Variants in SLC12A1 observed in about 807,000 individuals in gnomAD.
SLC12A1 encodes Na-K-2Cl cotransporter.
SLC12A1 carries 89 observed loss-of-function variants against 130.4 expected under a neutral mutation model. The observed-to-expected ratio is 0.68, with a 90% CI of 0.58 to 0.81. The LOEUF is 0.81. Among genes scored for constraint, SLC12A1 ranks in the 40% least tolerant of loss-of-function variants. The pLI, the probability that SLC12A1 is intolerant of heterozygous loss-of-function variation, is 0.00. For missense variants in SLC12A1, 1,310 were observed against 1,336.4 expected (o/e 0.98, Z 0.31); for synonymous variants, 499 against 460.0 (o/e 1.08, Z -1.09).
At chr15:48,255,969 A>G (rs181189869) in intron 16 of SLC12A1, 59 bp downstream of exon 16, 135 of 1,032,998 alleles carry the variant, frequency 1.3e-4, no homozygotes, top group East Asian at 9.0e-4. Context: ...GCTCTCCTTT[A>G]TAAGAGACAA....
At chr15:48,267,897 A>C (rs907303299) in intron 18 of SLC12A1, among the ~76,000 whole-genome samples, 196 bp downstream of exon 18, 1 of 152,242 alleles carries the variant, frequency 6.6e-6, no homozygotes, top group Admixed American at 6.5e-5. Flanking sequence ...ACAATGAACT[A>C]TGAATGATAC....
chr15:48,252,813 G>A (rs2041663041), intron 15 of SLC12A1, among the ~76,000 whole-genome samples: 1 of 152,150 alleles, frequency 6.6e-6, no homozygotes. Context: ...CAAGTGCGGG[G>A]CAGCATATTT....
At position 48,207,877 on chromosome 15, in the gene SLC12A1, A is replaced by C. The variant is rs1398145405; in HGVS notation, c.158A>C (p.Glu53Ala). 1 of 1,614,058 alleles carries C rather than the reference A, an allele frequency of 6.2e-7. No individual in the cohort carries two copies. The highest frequency in any genetic ancestry group is 8.5e-7 in the Non-Finnish European group (1 of 1,179,902). Reference sequence around the variant, plus strand: ...TATGAAGAAACCTCTTTTGGGGATGAAGCTCAGAAAAGACTCAGAATCAGC... The same window carrying C: ...TATGAAGAAACCTCTTTTGGGGATGCAGCTCAGAAAAGACTCAGAATCAGC... ...PHYEETSFGD[E>A]AQKRLRISFR... Residue 53 changes from glutamate to alanine, a missense_variant, in exon 2 of 27, where the codon GAA (glutamate) becomes GCA (alanine). By Grantham distance (107) the Glu-to-Ala change is moderately radical (BLOSUM62 -1). Coordinates refer to ENST00000380993, the MANE Select transcript of SLC12A1 (RefSeq NM_000338.3).
intron 19 of SLC12A1, among the ~76,000 whole-genome samples, chr15:48,273,218 G>A (rs976035706): frequency 6.6e-6 from 1 of 151,954 alleles, no homozygotes; most frequent in Non-Finnish European, 1.5e-5. Flanking sequence ...TTCTGACCTT[G>A]CCTTTTCCAG....
chr15:48,251,834 A>C, intron 15 of SLC12A1, 64 bp downstream of exon 15: 2 of 1,455,460 alleles, frequency 1.4e-6, no homozygotes, highest in Non-Finnish European at 1.9e-6. Flanking sequence ...TTTATTAAGC[A>C]TTTATTGAGC....
At chr15:48,254,591 G>GA (rs2041682307) in intron 15 of SLC12A1, among the ~76,000 whole-genome samples, 1 of 26,378 alleles carries the variant, frequency 3.8e-5, no homozygotes, top group Admixed American at 7.1e-4. Context: ...ACTTAAATTC[G>GA]TAAAAAAAAA....
At chr15:48,232,626 T>C (rs2041394612) in intron 7 of SLC12A1, 101 bp from the exon 8 acceptor site, 1 of 774,590 alleles carries the variant, frequency 1.3e-6, no homozygotes, top group Non-Finnish European at 2.3e-6. Context: ...AACTGAAATA[T>C]CAGATAGAGT....
At chr15:48,261,578 T>C (rs1417545259) in intron 17 of SLC12A1, among the ~76,000 whole-genome samples, 1 of 152,208 alleles carries the variant, frequency 6.6e-6, no homozygotes, top group Non-Finnish European at 1.5e-5. Context: ...GGGCTGCAGA[T>C]GTTGACAGCA....
chr15:48,232,462 T>C (rs113214098), intron 7 of SLC12A1, among the ~76,000 whole-genome samples: 4 of 152,330 alleles, frequency 2.6e-5, no homozygotes, highest in African/African-American at 9.6e-5. Context: ...AAGTTACCCA[T>C]CTGCTACTTA....
intron 10 of SLC12A1, among the ~76,000 whole-genome samples, chr15:48,242,634 T>C (rs553599991): frequency 6.6e-6 from 1 of 151,998 alleles, no homozygotes; most frequent in East Asian, 1.9e-4. Context: ...GAGACCCCAT[T>C]CCTACAAAAA....
At chr15:48,264,245 TTA>T (rs537886933) in intron 17 of SLC12A1, among the ~76,000 whole-genome samples, 308 of 152,324 alleles carry the variant, frequency 2.0e-3, no homozygotes, top group African/African-American at 6.8e-3. Context: ...TGACCGGCTC[TTA>T]GACTTTTACC....
chr15:48,247,791 T>C (rs2041600305), intron 13 of SLC12A1, among the ~76,000 whole-genome samples: 1 of 152,212 alleles, frequency 6.6e-6, no homozygotes, highest in Admixed American at 6.5e-5. Context: ...GCTAGCAGAA[T>C]TGAATTGCCT....
At chr15:48,219,789 A>C (rs181841081) in intron 2 of SLC12A1, among the ~76,000 whole-genome samples, 21 of 152,164 alleles carry the variant, frequency 1.4e-4, no homozygotes, top group African/African-American at 4.8e-4. Flanking sequence ...GCGGTGGCTC[A>C]CACCTCTAAT....
chr15:48,270,787 C>T (rs28541286), intron 19 of SLC12A1, among the ~76,000 whole-genome samples: 509 of 4,474 alleles, frequency 0.11, 64 homozygotes, highest in East Asian at 0.28. Context: ...TATATATATA[C>T]ACACACACAC....
chr15:48,211,636 T>C (rs1376580179), intron 2 of SLC12A1, among the ~76,000 whole-genome samples: 1 of 152,234 alleles, frequency 6.6e-6, no homozygotes, highest in Non-Finnish European at 1.5e-5. Context: ...ATGATTAGAA[T>C]GCTTTTAAAA....
chr15:48,260,190 G>A (rs1241464061), intron 17 of SLC12A1, among the ~76,000 whole-genome samples: 1 of 151,764 alleles, frequency 6.6e-6, no homozygotes, highest in Non-Finnish European at 1.5e-5. Context: ...GCTTGAACCT[G>A]GGAGGTGGAG....
Position 48,259,294 on chromosome 15 carries a change from T to C in SLC12A1, c.2137T>C (p.Cys713Arg), listed in dbSNP as rs2041743674. Residue 713 changes from cysteine to arginine, a missense_variant, in exon 17 of 27, where the codon TGC (cysteine) becomes CGC (arginine). By Grantham distance (180) the Cys-to-Arg change is radical. Coordinates refer to ENST00000380993, the MANE Select transcript of SLC12A1 (RefSeq NM_000338.3). Reference sequence around the variant, plus strand: ...TACCAAGAACAGTGGCCTTTGCATCTGCTGTGAAGTCTTTGTGGTAAGAGC... The same window carrying C: ...TACCAAGAACAGTGGCCTTTGCATCCGCTGTGAAGTCTTTGTGGTAAGAGC... ...AFTKNSGLCI[C>R]CEVFVGPRKL... is the part of the protein sequence containing the mutation. 2 of 1,612,144 alleles carry C rather than the reference T, an allele frequency of 1.2e-6. No individual in the cohort carries two copies. The highest frequency in any genetic ancestry group is 1.7e-6 in the Non-Finnish European group (2 of 1,178,162).
chr15:48,234,310 C>G (rs2041413876), intron 8 of SLC12A1, among the ~76,000 whole-genome samples: 1 of 152,080 alleles, frequency 6.6e-6, no homozygotes, highest in African/African-American at 2.4e-5. Context: ...CAGCCTGGAT[C>G]TCTTTTGGCA....
At chr15:48,230,606 C>T in intron 7 of SLC12A1, 103 bp downstream of exon 7, 1 of 751,996 alleles carries the variant, frequency 1.3e-6, no homozygotes, top group South Asian at 1.6e-5. Context: ...GCTGTTATTA[C>T]CTGCTATGGT....
Sources: gnomAD v4.1 joint callset for allele counts (sites outside exome capture counted in the v4.1 genomes callset) on GRCh38, gnomAD v4.1.1 for gene constraint, MANE v1.5 for transcripts, NCBI Gene and HGNC (gene_info 2026-07-23, HGNC 2026-07-21) for gene names.